The following CLNK variants were observed in gnomAD, a reference collection of about 807,000 sequenced individuals.
The protein encoded by CLNK is cytokine dependent hematopoietic cell linker.
Under a neutral mutation model 68.6 loss-of-function variants are expected in CLNK, and 74 were observed. The ratio of observed to expected loss-of-function variants is 1.08; its 90% CI spans 0.89 to 1.31. The LOEUF (loss-of-function observed/expected upper bound fraction) is 1.31, where lower values mean the gene tolerates loss of function less well. Ranked by LOEUF, CLNK falls within the 50% of genes most tolerant of loss-of-function variation. The probability of loss-of-function intolerance (pLI) is 0.00; values close to 1 mark genes in which losing one functional copy is unlikely to be tolerated. For synonymous variants in CLNK, 198 were observed against 172.2 expected (o/e 1.15, Z -1.17); for missense variants, 553 against 515.3 (o/e 1.07, Z -0.71).
intron 14 of CLNK, among the ~76,000 whole-genome samples, chr4:10,522,837 T>C (rs542547330): frequency 2.6e-5 from 4 of 152,324 alleles, no homozygotes; most frequent in Non-Finnish European, 4.4e-5. Context: ...CAAAATTGCT[T>C]TCGTTCTCAG....
chr4:10,559,841 C>T (rs931600699), intron 7 of CLNK, among the ~76,000 whole-genome samples: 2 of 152,146 alleles, frequency 1.3e-5, no homozygotes, highest in Non-Finnish European at 2.9e-5. Context: ...CTTGGATTCA[C>T]AGGTACATTG....
At chr4:10,625,653 GAA>G (rs1476596606) in intron 2 of CLNK, among the ~76,000 whole-genome samples, 1 of 152,128 alleles carries the variant, frequency 6.6e-6, no homozygotes, top group Non-Finnish European at 1.5e-5. Flanking sequence ...AAAACACAGA[GAA>G]AGAGAGACAG....
At chr4:10,601,656 G>T (rs1036193338) in intron 2 of CLNK, among the ~76,000 whole-genome samples, 2 of 152,164 alleles carry the variant, frequency 1.3e-5, no homozygotes, top group African/African-American at 4.8e-5. Context: ...AGATGCTCAA[G>T]GTTCCCAAGT....
intron 8 of CLNK, among the ~76,000 whole-genome samples, chr4:10,546,644 ATTC>A (rs1162139718): frequency 6.6e-6 from 1 of 152,106 alleles, no homozygotes; most frequent in Non-Finnish European, 1.5e-5. Flanking sequence ...GCTCCTACAA[ATTC>A]TTCTACTTTT....
the CLNK span, among the ~76,000 whole-genome samples, chr4:10,701,776 G>T: frequency 6.6e-6 from 1 of 152,190 alleles, no homozygotes. Context: ...GTGATATGGG[G>T]TCGCCAAACA....
intron 1 of CLNK, among the ~76,000 whole-genome samples, chr4:10,671,883 C>T (rs1327693592): frequency 1.3e-5 from 2 of 152,152 alleles, no homozygotes; most frequent in Non-Finnish European, 1.5e-5. Flanking sequence ...GAAACAGCTT[C>T]CCCCCAACTT....
chr4:10,723,882 C>CAGAGAGAGAGAGAGAGAGAG, the CLNK span, among the ~76,000 whole-genome samples: 5 of 70,874 alleles, frequency 7.1e-5, no homozygotes, highest in African/African-American at 1.9e-4. Flanking sequence ...ACACAGGAGT[C>CAGAGAGAGAGAGAGAGAGAG]AGAGAGAGAG....
chr4:10,551,256 T>G (rs1719440465), intron 8 of CLNK, among the ~76,000 whole-genome samples: 1 of 152,008 alleles, frequency 6.6e-6, no homozygotes, highest in Non-Finnish European at 1.5e-5. Flanking sequence ...ACCCCCCCAC[T>G]TTTTTTGAGA....
chr4:10,637,681 G>T (rs1167731414), intron 2 of CLNK, among the ~76,000 whole-genome samples: 1 of 133,296 alleles, frequency 7.5e-6, no homozygotes, highest in East Asian at 2.5e-4. Context: ...TGCAAGCTCC[G>T]CCTCCTTGGT....
intron 15 of CLNK, among the ~76,000 whole-genome samples, chr4:10,519,040 G>C (rs539860207): frequency 3.9e-5 from 6 of 152,268 alleles, no homozygotes; most frequent in African/African-American, 1.2e-4. Flanking sequence ...TGCATTCTTG[G>C]GGCCCAGCCC....
intron 3 of CLNK, among the ~76,000 whole-genome samples, chr4:10,587,566 G>A (rs573622415): frequency 3.9e-5 from 6 of 152,344 alleles, no homozygotes; most frequent in African/African-American, 1.4e-4. Flanking sequence ...GTTGGGCACA[G>A]AACAGTGAAG....
At chr4:10,733,621 T>C in the CLNK span, among the ~76,000 whole-genome samples, 27,617 of 152,248 alleles carry the variant, frequency 0.18, 3,214 homozygotes, top group Non-Finnish European at 0.27. Flanking sequence ...TGGTTTGCCA[T>C]GCATCTGTGT....
intron 3 of CLNK, among the ~76,000 whole-genome samples, chr4:10,592,658 C>T (rs1306794037): frequency 6.6e-6 from 1 of 152,024 alleles, no homozygotes; most frequent in South Asian, 2.1e-4. Flanking sequence ...TCTTCCTACT[C>T]CCCCATCAGC....
chr4:10,699,300 A>AC, the CLNK span, among the ~76,000 whole-genome samples: 1 of 113,556 alleles, frequency 8.8e-6, no homozygotes, highest in African/African-American at 3.2e-5. Context: ...ATACACACAC[A>AC]CACCACATAC....
upstream of CLNK, among the ~76,000 whole-genome samples, chr4:10,686,747 A>G (rs1429071841): frequency 1.3e-5 from 2 of 152,000 alleles, no homozygotes; most frequent in Non-Finnish European, 2.9e-5. Context: ...CTTCATTGGC[A>G]AATAATCTAA....
intron 1 of CLNK, among the ~76,000 whole-genome samples, chr4:10,676,980 A>T (rs199659854): frequency 1.1e-4 from 16 of 143,506 alleles, no homozygotes; most frequent in African/African-American, 1.5e-4. Context: ...TCTCGCCCCT[A>T]TTTTTTTTTT....
chr4:10,634,229 T>G (rs1722995173), intron 2 of CLNK, among the ~76,000 whole-genome samples: 1 of 152,030 alleles, frequency 6.6e-6, no homozygotes, highest in Admixed American at 6.6e-5. Context: ...GGGAGGAAGG[T>G]TAAATATTTG....
At chr4:10,556,444 G>T (rs774023382) in intron 8 of CLNK, among the ~76,000 whole-genome samples, 8 of 152,044 alleles carry the variant, frequency 5.3e-5, no homozygotes, top group Admixed American at 6.6e-5. Context: ...TGAGGCAAAG[G>T]GTAGATAAAC....
rs1233370832 is a variant in CLNK, at chr4:10,516,094, A to C, written c.773-2497T>G. On this transcript the variant is annotated intron_variant, in intron 15 of 18. Transcript: ENST00000226951. ...TTTTTTTGAAATTTAGAACACAAACATGGAGTGAAGTATAAGGAGGAATAC... is the reference window on the plus strand; with the variant it reads ...TTTTTTTGAAATTTAGAACACAAACCTGGAGTGAAGTATAAGGAGGAATAC... Among the ~76,000 whole-genome samples the C allele has an allele frequency of 2.0e-5, 3 of 152,212 alleles. No homozygotes were observed. In the East Asian group the frequency reaches 5.8e-4, roughly 29 times the overall value.
Sources: gnomAD v4.1 joint callset for allele counts (sites outside exome capture counted in the v4.1 genomes callset) on GRCh38, gnomAD v4.1.1 for gene constraint, MANE v1.5 for transcripts, NCBI Gene and HGNC (gene_info 2026-07-23, HGNC 2026-07-21) for gene names.